Variants in MTMR3 observed in about 807,000 individuals in gnomAD.
The protein encoded by MTMR3 is phosphatidylinositol-3,5-bisphosphate 3-phosphatase MTMR3.
A neutral mutation model predicts 132.4 loss-of-function variants in MTMR3; 32 were observed. That is an observed-to-expected ratio of 0.24 (90% CI 0.18 to 0.32). The LOEUF (loss-of-function observed/expected upper bound fraction) is 0.32, where lower values mean the gene tolerates loss of function less well. Among genes scored for constraint, MTMR3 ranks in the 10% least tolerant of loss-of-function variants. The pLI is 1.00. For missense variants in MTMR3, 1,216 were observed against 1,489.6 expected (o/e 0.82, Z 3.02); for synonymous variants, 556 against 550.3 (o/e 1.01, Z -0.14).
intron 1 of MTMR3, among the ~76,000 whole-genome samples, chr22:29,921,694 C>T (rs2065416951): frequency 6.6e-6 from 1 of 152,170 alleles, no homozygotes; most frequent in South Asian, 2.1e-4. Context: ...CAATCCTCTT[C>T]CTAGTCCTTG....
chr22:29,900,555 A>G (rs1202711408), intron 1 of MTMR3, among the ~76,000 whole-genome samples: 1 of 152,144 alleles, frequency 6.6e-6, no homozygotes, highest in Non-Finnish European at 1.5e-5. Flanking sequence ...TATGCCAGGC[A>G]CTACCCTGTG....
rs1021279886 is a variant in MTMR3, at chr22:30,028,181, G to T, written c.*2380G>T. 6.6e-6 allele frequency: 1 copy of T among 152,330 alleles called. No homozygotes were observed. Among genetic ancestry groups the T allele is most frequent in the Non-Finnish European group, 1.5e-5 (1 of 68,050 alleles). 9.4% of individuals were successfully genotyped at this position (152,330 alleles called of 1,614,324 possible). A position where few individuals can be genotyped will look rare whatever the true frequency, so the allele number is the denominator to read the frequency against. Reference sequence around the variant, plus strand: ...CATTACAACTACCTCTCGCCTCAAGGCTCCATTTTTAGCTGCTGCTCTGAT... The same window carrying T: ...CATTACAACTACCTCTCGCCTCAAGTCTCCATTTTTAGCTGCTGCTCTGAT... On this transcript the variant is annotated 3_prime_UTR_variant, in exon 20 of 20. Transcript: ENST00000401950.
At chr22:29,957,463 A>C (rs572227148) in intron 2 of MTMR3, among the ~76,000 whole-genome samples, 1 of 146,220 alleles carries the variant, frequency 6.8e-6, no homozygotes, top group African/African-American at 2.5e-5. Flanking sequence ...ATTTATTGAT[A>C]TATTTTTTGA....
intron 3 of MTMR3, among the ~76,000 whole-genome samples, chr22:29,971,936 G>A (rs1382877669): frequency 6.6e-6 from 1 of 152,182 alleles, no homozygotes; most frequent in Non-Finnish European, 1.5e-5. Flanking sequence ...GAATTGAAAA[G>A]GCTACATTAA....
intron 9 of MTMR3, chr22:30,003,658 G>T (rs897918533): frequency 6.6e-6 from 1 of 152,176 alleles, no homozygotes; most frequent in African/African-American, 2.4e-5. Flanking sequence ...AATACAATGG[G>T]AATGGTAGTT....
intron 17 of MTMR3, chr22:30,021,682 A>T (rs1484347703): frequency 8.1e-6 from 2 of 246,692 alleles, no homozygotes; most frequent in African/African-American, 4.5e-5. Flanking sequence ...CTCAGCTTTA[A>T]CTTAGTGGCA....
intron 1 of MTMR3, among the ~76,000 whole-genome samples, chr22:29,939,910 C>G (rs1235609679): frequency 6.6e-6 from 1 of 152,166 alleles, no homozygotes; most frequent in Non-Finnish European, 1.5e-5. Flanking sequence ...TCCTGCCCCA[C>G]CCTAACTGAT....
chr22:30,002,743 CT>C (rs138165493), intron 8 of MTMR3, 136 bp from the exon 9 acceptor site: 57,528 of 622,916 alleles, frequency 0.092, 2,923 homozygotes, highest in South Asian at 0.12. Flanking sequence ...AATAAAGCGC[CT>C]CATTGCCTTT....
intron 1 of MTMR3, among the ~76,000 whole-genome samples, chr22:29,956,552 C>G (rs2066195644): frequency 6.6e-6 from 1 of 152,142 alleles, no homozygotes; most frequent in African/African-American, 2.4e-5. Flanking sequence ...TGGCTGAATT[C>G]TTTGTTTTTC....
At chr22:30,012,652 C>A in intron 13 of MTMR3, 89 bp downstream of exon 13, 1 of 1,339,852 alleles carries the variant, frequency 7.5e-7, no homozygotes, top group Non-Finnish European at 1.0e-6. Context: ...AGTGGTGATT[C>A]GGTTAAAGAA....
At chr22:29,884,636 C>T (rs949812027) in intron 1 of MTMR3, among the ~76,000 whole-genome samples, 7 of 143,984 alleles carry the variant, frequency 4.9e-5, no homozygotes, top group African/African-American at 7.7e-5. Flanking sequence ...GATCTCTGCT[C>T]ACTGCAACCT....
rs1433375120 is a variant in MTMR3 at position 30,028,493 on chromosome 22, T to A, written c.*2692T>A. 1 of 152,276 alleles carries A rather than the reference T, an allele frequency of 6.6e-6. No homozygotes were observed. Among genetic ancestry groups the A allele is most frequent in the Non-Finnish European group, 1.5e-5 (1 of 68,008 alleles). 9.4% of individuals were successfully genotyped at this position (152,276 alleles called of 1,614,324 possible). A position where few individuals can be genotyped will look rare whatever the true frequency, so the allele number is the denominator to read the frequency against. ...GTTCTTGCTCTTCACAGAGGTAGAT[T>A]TTTCTTTACCCTACAGCACTGTTGG... On this transcript the variant is annotated 3_prime_UTR_variant, in exon 20 of 20. Coordinates refer to ENST00000401950, the MANE Select transcript of MTMR3 (RefSeq NM_021090.4).
intron 5 of MTMR3, chr22:29,983,925 C>T (rs2066805279): frequency 6.6e-6 from 1 of 151,984 alleles, no homozygotes; most frequent in Non-Finnish European, 1.5e-5. Flanking sequence ...ATGTGAGCCA[C>T]TGCACTCAAT....
At chr22:29,951,237 A>G (rs1344647233) in intron 1 of MTMR3, among the ~76,000 whole-genome samples, 1 of 152,170 alleles carries the variant, frequency 6.6e-6, no homozygotes, top group African/African-American at 2.4e-5. Context: ...TTCATTCTTA[A>G]AAATTTAATT....
At chr22:29,923,404 C>T (rs894434082) in intron 1 of MTMR3, among the ~76,000 whole-genome samples, 11 of 151,386 alleles carry the variant, frequency 7.3e-5, no homozygotes, top group Non-Finnish European at 1.3e-4. Flanking sequence ...AGGGTTTTGC[C>T]ATGTTTCCCA....
chr22:29,909,981 C>G (rs747119673), intron 1 of MTMR3, among the ~76,000 whole-genome samples: 42 of 151,848 alleles, frequency 2.8e-4, no homozygotes, highest in Non-Finnish European at 4.9e-4. Flanking sequence ...CGGTGAAACC[C>G]CGTCTCTACT....
At chr22:29,938,376 CTG>C (rs2065791469) in intron 1 of MTMR3, among the ~76,000 whole-genome samples, 1 of 152,226 alleles carries the variant, frequency 6.6e-6, no homozygotes, top group South Asian at 2.1e-4. Flanking sequence ...CGTACTTTCA[CTG>C]TTTCTGACTC....
At chr22:29,922,030 C>CTT (rs537101747) in intron 1 of MTMR3, among the ~76,000 whole-genome samples, 21 of 142,062 alleles carry the variant, frequency 1.5e-4, no homozygotes, top group Non-Finnish European at 2.3e-4. Flanking sequence ...TATATCATGT[C>CTT]TTTTTTTTTT....
At chr22:29,883,574 G>A (rs1189585344) in intron 1 of MTMR3, among the ~76,000 whole-genome samples, 2 of 152,038 alleles carry the variant, frequency 1.3e-5, no homozygotes, top group Non-Finnish European at 2.9e-5. Context: ...GGGAATGGGA[G>A]CTCGGCGGCC....
Sources: allele counts gnomAD v4.1 joint callset (sites outside exome capture counted in the v4.1 genomes callset), GRCh38; gene constraint gnomAD v4.1.1; transcripts MANE v1.5; gene names NCBI Gene and HGNC (gene_info 2026-07-23, HGNC 2026-07-21).